EOGT: variants seen among roughly 807,000 people sequenced by gnomAD.
EOGT encodes the protein EGF domain-specific O-linked N-acetylglucosamine transferase.
A neutral mutation model predicts 70.5 loss-of-function variants in EOGT; 55 were observed. The observed-to-expected ratio is 0.78, with a 90% CI of 0.63 to 0.98. The LOEUF (loss-of-function observed/expected upper bound fraction) is 0.98. Among genes scored for constraint, EOGT ranks in the 50% least tolerant of loss-of-function variants. EOGT has a pLI of 0.00. For synonymous variants in EOGT, 246 were observed against 217.1 expected, an observed-to-expected ratio of 1.13 and a Z score of -1.17; for missense variants, 703 against 641.9, an observed-to-expected ratio of 1.10 and a Z score of -1.03.
chr3:68,989,165 T>C (rs2090904496), intron 10 of EOGT, 148 bp from the exon 11 acceptor site: 2 of 514,944 alleles, frequency 3.9e-6, no homozygotes, highest in Non-Finnish European at 6.8e-6. Context: ...AAATGGATCT[T>C]CATCTTGGGC....
chr3:68,984,759 T>C (rs896075382), intron 14 of EOGT, among the ~76,000 whole-genome samples: 2 of 150,950 alleles, frequency 1.3e-5, no homozygotes, highest in Non-Finnish European at 2.9e-5. Context: ...ACCTCACACA[T>C]GCACTAAAGC....
At position 69,009,774 on chromosome 3, in the gene EOGT, T is replaced by C. The variant is rs2091527621; in HGVS notation, c.73A>G (p.Asn25Asp). Residue 25 changes from asparagine (N) to aspartate (D), a missense_variant, in exon 4 of 18, where the codon AAT (asparagine) becomes GAT (aspartate). Coordinates refer to ENST00000383701, the MANE Select transcript of EOGT (RefSeq NM_001278689.2). Reference sequence around the variant, plus strand: ...GGTTCGCCTGGAATGCTGTGAGTATTAGGAGGAGCTTCATTCTGACCACTC... The same window carrying C: ...GGTTCGCCTGGAATGCTGTGAGTATCAGGAGGAGCTTCATTCTGACCACTC... ...SLSGQNEAPP[N>D]THSIPGEPLY... 1 of 1,614,018 alleles carries C rather than the reference T, an allele frequency of 6.2e-7. No individual in the cohort carries two copies. Among genetic ancestry groups the C allele is most frequent in the East Asian group, 2.2e-5 (1 of 44,872 alleles).
At chr3:69,005,606 A>G (rs144256514) in intron 6 of EOGT, among the ~76,000 whole-genome samples, 1 of 152,362 alleles carries the variant, frequency 6.6e-6, no homozygotes, top group East Asian at 1.9e-4. Flanking sequence ...TCCAAAAGCC[A>G]AAAGAAACAA....
intron 8 of EOGT, among the ~76,000 whole-genome samples, chr3:69,003,791 G>C (rs1342827801): frequency 6.6e-6 from 1 of 152,150 alleles, no homozygotes; most frequent in Admixed American, 6.5e-5. Flanking sequence ...TTTTGGACCT[G>C]GGTAAAAGTT....
chr3:68,992,108 G>A (rs113710498), intron 10 of EOGT, among the ~76,000 whole-genome samples: 1 of 152,036 alleles, frequency 6.6e-6, no homozygotes, highest in African/African-American at 2.4e-5. Context: ...ATTCTGCCCA[G>A]GGCTCTCTAA....
chr3:68,987,073 C>T (rs935381731), intron 14 of EOGT, among the ~76,000 whole-genome samples: 1 of 152,192 alleles, frequency 6.6e-6, no homozygotes, highest in Non-Finnish European at 1.5e-5. Flanking sequence ...CCAACTAAAT[C>T]TGCTGCTGAT....
intron 3 of EOGT, among the ~76,000 whole-genome samples, chr3:69,010,598 C>G (rs763614887): frequency 3.3e-5 from 5 of 152,204 alleles, no homozygotes; most frequent in Admixed American, 6.5e-5. Context: ...ATAGAGCTGT[C>G]ATGAGTTAAA....
At chr3:68,992,363 T>C (rs1031077211) in intron 10 of EOGT, among the ~76,000 whole-genome samples, 5 of 152,092 alleles carry the variant, frequency 3.3e-5, no homozygotes, top group African/African-American at 1.2e-4. Flanking sequence ...AACAAAGGGG[T>C]TACAGGGCCC....
chr3:69,005,983 C>T (rs977656073), intron 6 of EOGT, among the ~76,000 whole-genome samples: 1 of 152,160 alleles, frequency 6.6e-6, no homozygotes, highest in Non-Finnish European at 1.5e-5. Context: ...GACTGAATGT[C>T]CGTGTCTCTG....
At chr3:68,998,215 TTTAAA>T (rs2091204367) in intron 9 of EOGT, 101 bp from the exon 10 acceptor site, 1 of 683,250 alleles carries the variant, frequency 1.5e-6, no homozygotes, top group Non-Finnish European at 2.5e-6. Context: ...AGAATTTTAG[TTTAAA>T]TAAATGGGGA....
chr3:68,995,916 GA>G (rs555851119), intron 10 of EOGT, among the ~76,000 whole-genome samples: 147 of 152,214 alleles, frequency 9.7e-4, no homozygotes, highest in African/African-American at 2.8e-3. Context: ...ATAAGCTAAT[GA>G]AAACTCAAGT....
chr3:69,009,930 CAACAAAA>C (rs1395882602), intron 3 of EOGT, 70 bp from the exon 4 acceptor site: 1 of 466,070 alleles, frequency 2.1e-6, no homozygotes, highest in Non-Finnish European at 3.5e-6. Flanking sequence ...ACAACAACAA[CAACAAAA>C]AAAAAAAAAA....
intron 14 of EOGT, among the ~76,000 whole-genome samples, chr3:68,983,521 A>G (rs1311432711): frequency 6.6e-6 from 1 of 152,258 alleles, no homozygotes; most frequent in Admixed American, 6.5e-5. Context: ...CACCATTCAG[A>G]AATTTCTGCA....
In EOGT at chr3:69,004,472, C is replaced by G; in HGVS notation, c.526G>C (p.Asp176His). 1 of 1,612,740 alleles carries G rather than the reference C, an allele frequency of 6.2e-7. No individual in the cohort carries two copies. The highest frequency in any genetic ancestry group is 8.5e-7 in the Non-Finnish European group (1 of 1,178,790). ...IKRNHDRFKE[D>H]FFQSGEIGGH... ...CCAATTTCACCACTCTGGAAAAAGT[C>G]CTCCTTAAATCTGGTATATAACAAA... Residue 176 changes from aspartate (D) to histidine (H), a missense_variant, in exon 8 of 18, where the codon GAC (aspartate) becomes CAC (histidine). Physicochemically the swap from Asp to His is moderately conservative, Grantham distance 81. Transcript: ENST00000383701.
At position 68,988,780 on chromosome 3, in the gene EOGT, CTG is replaced by C. The variant is rs372886977; in HGVS notation, c.924+143_924+144del. 46 of 633,150 alleles carry C rather than the reference CTG, an allele frequency of 7.3e-5. No homozygotes were observed. In the African/African-American group the frequency reaches 8.1e-4, roughly 11 times the overall value. The allele number at this position is 633,150 out of a possible 1,614,324, so 39.2% of individuals were successfully genotyped here. ...TTCAAAGGCTGCATGATTAACAACA[CTG>C]AGGATTCTAATTATAAAAGAAATTC... On this transcript the variant is annotated intron_variant, in intron 11 of 17. Transcript: ENST00000383701.
chr3:68,999,469 C>A (rs1433502572), intron 9 of EOGT, among the ~76,000 whole-genome samples: 4 of 152,106 alleles, frequency 2.6e-5, no homozygotes, highest in African/African-American at 9.7e-5. Flanking sequence ...TAGGAAAATG[C>A]TGAGTAAAAG....
chr3:68,998,498 G>T (rs1168801441), intron 9 of EOGT, among the ~76,000 whole-genome samples: 2 of 152,092 alleles, frequency 1.3e-5, no homozygotes, highest in Admixed American at 6.5e-5. Context: ...TTTTTAATCA[G>T]GGGTGGGGTC....
At position 68,985,752 on chromosome 3, in the gene EOGT, C is replaced by G. The variant is rs375664442; in HGVS notation, c.1152+1693G>C. 8.5e-5 allele frequency among the ~76,000 whole-genome samples: 13 copies of G among 152,326 alleles called. No homozygotes were observed. The South Asian group carries it at 2.5e-3, about 29-fold the overall frequency. On this transcript the variant is annotated intron_variant, in intron 14 of 17. Transcript: ENST00000383701. ...AATGACTTAAAAATAAATGTCAATT[C>G]ATGTCTCTCCCTCTGTATTTGTTTT... is the stretch of plus-strand genomic sequence containing the variant.
At chr3:68,999,574 A>G (rs2091243741) in intron 9 of EOGT, among the ~76,000 whole-genome samples, 1 of 152,210 alleles carries the variant, frequency 6.6e-6, no homozygotes, top group Non-Finnish European at 1.5e-5. Flanking sequence ...AACAGTATAA[A>G]AATACTCTGT....
Sources: allele counts gnomAD v4.1 joint callset (sites outside exome capture counted in the v4.1 genomes callset), GRCh38; gene constraint gnomAD v4.1.1; transcripts MANE v1.5; gene names NCBI Gene and HGNC (gene_info 2026-07-23, HGNC 2026-07-21).